SNED1: variants seen among roughly 807,000 people sequenced by gnomAD.
The protein encoded by SNED1 is sushi, nidogen and EGF like domains 1, also known as sushi, nidogen and EGF-like domain-containing protein 1.
In SNED1, 81 loss-of-function variants were observed where a neutral mutation model predicts 166.7. The ratio of observed to expected loss-of-function variants is 0.49; its 90% CI spans 0.41 to 0.58. SNED1 has a LOEUF of 0.58. Ranked by LOEUF, SNED1 falls within the 20% of genes least tolerant of loss-of-function variation. The pLI, the probability that SNED1 is intolerant of heterozygous loss-of-function variation, is 0.00. For missense variants in SNED1, 1,604 were observed against 2,000.2 expected (o/e 0.80, Z 3.78); for synonymous variants, 762 against 822.0 (o/e 0.93, Z 1.25).
intron 16 of SNED1, among the ~76,000 whole-genome samples, chr2:241,054,870 A>C (rs2061995850): frequency 6.6e-6 from 1 of 152,206 alleles, no homozygotes; most frequent in Admixed American, 6.5e-5. Flanking sequence ...TAATCCCAGC[A>C]CTTTGGGAGG....
chr2:241,061,338 T>TA (rs1485141194), intron 16 of SNED1, among the ~76,000 whole-genome samples: 52 of 152,186 alleles, frequency 3.4e-4, no homozygotes, highest in Non-Finnish European at 6.3e-4. Context: ...AGCTGGTAAA[T>TA]TTTCAGAAGT....
chr2:241,095,558 C>T lies in SNED1; in HGVS notation c.*3922C>T, dbSNP rs2064357703. 5.7e-6 allele frequency: 1 copy of T among 175,496 alleles called. No homozygotes were observed. Among genetic ancestry groups the T allele is most frequent in the African/African-American group, 2.4e-5 (1 of 41,828 alleles). 10.9% of individuals were successfully genotyped at this position (175,496 alleles called of 1,614,324 possible). On this transcript the variant is annotated 3_prime_UTR_variant, in exon 32 of 32. Transcript: ENST00000310397. Reference sequence around the variant, plus strand: ...TCATAAAATAAAGTGCTATGATGTACTAAAACCTCACATTGCCTTCTCGTA... The same window carrying T: ...TCATAAAATAAAGTGCTATGATGTATTAAAACCTCACATTGCCTTCTCGTA...
chr2:241,063,725 C>T, intron 18 of SNED1, 25 bp downstream of exon 18: 1 of 1,471,730 alleles, frequency 6.8e-7, no homozygotes. Flanking sequence ...CAGTGGGCCC[C>T]ACATGCAGAG....
chr2:241,078,284 G>C (rs958025783), intron 27 of SNED1, among the ~76,000 whole-genome samples: 1 of 151,266 alleles, frequency 6.6e-6, no homozygotes, highest in Admixed American at 6.6e-5. Context: ...TCAGGAGGCT[G>C]AGGCAGGAGA....
intron 8 of SNED1, among the ~76,000 whole-genome samples, chr2:241,047,664 G>A (rs2061688676): frequency 6.6e-6 from 1 of 152,260 alleles, no homozygotes; most frequent in Non-Finnish European, 1.5e-5. Context: ...TTCACTGATA[G>A]GGATGCCTGA....
At position 240,998,819 on chromosome 2, in the gene SNED1, C is replaced by A; in HGVS notation, c.-19C>A. On this transcript the variant is annotated 5_prime_UTR_variant, in exon 1 of 32. Coordinates refer to ENST00000310397, the MANE Select transcript of SNED1 (RefSeq NM_001080437.3). Reference sequence around the variant, plus strand: ...CGCCCTGCTCCGCCAGCGCCCCGTCCCGCCCGCACACCTCCGCGATGCGGC... The same window carrying A: ...CGCCCTGCTCCGCCAGCGCCCCGTCACGCCCGCACACCTCCGCGATGCGGC... 8.5e-7 allele frequency: 1 copy of A among 1,173,200 alleles called. No homozygotes were observed. The highest frequency in any genetic ancestry group is 3.5e-5 in the South Asian group (1 of 28,780). 72.7% of individuals were successfully genotyped at this position (1,173,200 alleles called of 1,614,324 possible). A position where few individuals can be genotyped will look rare whatever the true frequency, so the allele number is the denominator to read the frequency against.
intron 1 of SNED1, among the ~76,000 whole-genome samples, chr2:241,026,503 T>C (rs567570376): frequency 6.6e-6 from 1 of 152,330 alleles, no homozygotes; most frequent in East Asian, 1.9e-4. Flanking sequence ...GTATTCTCCA[T>C]CTTTTTGTCT....
At chr2:241,082,393 C>T (rs780515627) in intron 29 of SNED1, 29 bp downstream of exon 29, 20 of 1,559,838 alleles carry the variant, frequency 1.3e-5, no homozygotes, top group Non-Finnish European at 1.8e-5. Flanking sequence ...TCCGCCTTAC[C>T]GCATTTGTCG....
chr2:241,009,248 G>A (rs2060313745), intron 1 of SNED1, among the ~76,000 whole-genome samples: 1 of 152,180 alleles, frequency 6.6e-6, no homozygotes, highest in Non-Finnish European at 1.5e-5. Context: ...TGGACAGGCT[G>A]AAGGCAGCAA....
intron 1 of SNED1, among the ~76,000 whole-genome samples, chr2:241,009,281 G>A (rs1034384161): frequency 6.6e-6 from 1 of 152,138 alleles, no homozygotes; most frequent in East Asian, 1.9e-4. Flanking sequence ...CCAGGAGGCA[G>A]CAGCCCAGGC....
chr2:241,088,940 G>A (rs577320950), intron 31 of SNED1: 4 of 216,928 alleles, frequency 1.8e-5, no homozygotes, highest in Non-Finnish European at 3.6e-5. Context: ...GAAGACCGCC[G>A]CTAGAAAGTC....
intron 16 of SNED1, among the ~76,000 whole-genome samples, chr2:241,061,023 C>T (rs1246832483): frequency 1.3e-5 from 2 of 151,774 alleles, no homozygotes; most frequent in Non-Finnish European, 2.9e-5. Flanking sequence ...CTCCTTAAGC[C>T]ACAAAAAGAA....
chr2:241,023,366 A>G (rs1274383309), intron 1 of SNED1, among the ~76,000 whole-genome samples: 2 of 151,914 alleles, frequency 1.3e-5, no homozygotes, highest in African/African-American at 4.8e-5. Context: ...ATATTTCTTA[A>G]CCTCTACTTT....
In SNED1 at chr2:241,013,442, C is replaced by G. The variant is rs1434110804; in HGVS notation, c.213+14392C>G. Among the ~76,000 whole-genome samples, 4 of 152,176 alleles carry G rather than the reference C, an allele frequency of 2.6e-5. No individual in the cohort carries two copies. Among genetic ancestry groups the G allele is most frequent in the Non-Finnish European group, 5.9e-5 (4 of 68,038 alleles). On this transcript the variant is annotated intron_variant, in intron 1 of 31. Coordinates refer to ENST00000310397, the MANE Select transcript of SNED1 (RefSeq NM_001080437.3). The surrounding 1 kb of genome is among the most constrained non-coding windows in gnomAD (Gnocchi z 4.6). ...CACTTCAGCCACACCCCACTCCACC[C>G]CACCCCGCTGGCCCTAGTAGCTGGG... is the stretch of plus-strand genomic sequence containing the variant.
In SNED1 at chr2:241,065,472, T is replaced by A; in HGVS notation, c.2887T>A (p.Ser963Thr). 1.2e-6 allele frequency: 2 copies of A among 1,612,960 alleles called. No individual in the cohort carries two copies. Among genetic ancestry groups the A allele is most frequent in the African/African-American group, 2.7e-5 (2 of 75,028 alleles). The stretch of plus-strand genomic sequence containing the variant: ...CACAGACTTTGTGGACAGGACCCGC[T>A]CCTCGCACCAGCTCCAGGCCCTGGC... The part of the protein sequence containing the change: ...RRTDFVDRTR[S>T]SHQLQALAAG... Residue 963 changes from serine (S) to threonine (T), a missense_variant, in exon 21 of 32, where the codon TCC (serine) becomes ACC (threonine). Physicochemically the swap from Ser to Thr is moderately conservative, Grantham distance 58. Around this residue, in one of 2 missense-constraint regions of SNED1, gnomAD observed 1,237 missense variants for 1,620.8 expected, o/e 0.76. Coordinates refer to ENST00000310397, the MANE Select transcript of SNED1 (RefSeq NM_001080437.3).
chr2:241,047,093 C>T (rs1026949220), intron 8 of SNED1, among the ~76,000 whole-genome samples: 15 of 144,966 alleles, frequency 1.0e-4, no homozygotes, highest in Non-Finnish European at 8.9e-5. Context: ...TGCAGTGAGC[C>T]GAGATCGCGC....
chr2:241,049,526 T>C (rs756025242), intron 11 of SNED1, among the ~76,000 whole-genome samples: 9 of 152,204 alleles, frequency 5.9e-5, no homozygotes, highest in Non-Finnish European at 1.3e-4. Context: ...TATAGAATAA[T>C]GATGTGATGC....
At chr2:241,065,744 AC>A in intron 21 of SNED1, 149 bp downstream of exon 21, 2 of 714,804 alleles carry the variant, frequency 2.8e-6, no homozygotes, top group African/African-American at 1.8e-5. Flanking sequence ...GGTTGGAGGC[AC>A]CGCCCTGCTG....
At chr2:241,083,823 C>G (rs2063446592) in intron 29 of SNED1, among the ~76,000 whole-genome samples, 1 of 152,068 alleles carries the variant, frequency 6.6e-6, no homozygotes, top group Non-Finnish European at 1.5e-5. Context: ...GTCTGACAGT[C>G]TGGTTTTTAT....
Sources: gnomAD v4.1 joint callset for allele counts (sites outside exome capture counted in the v4.1 genomes callset) on GRCh38, gnomAD v4.1.1 for gene constraint, gnomAD v4.1.1 regional missense constraint, Gnocchi (gnomAD v3.1) non-coding constraint, MANE v1.5 for transcripts, NCBI Gene and HGNC (gene_info 2026-07-23, HGNC 2026-07-21) for gene names.